Variants in PTPRG observed in about 807,000 individuals in gnomAD.
PTPRG encodes the protein protein tyrosine phosphatase receptor type G, also known as receptor-type tyrosine-protein phosphatase gamma.
In PTPRG, 102 loss-of-function variants were observed where a neutral mutation model predicts 165.3. That is an observed-to-expected ratio of 0.62 (90% CI 0.53 to 0.73). The LOEUF is 0.73. Among genes scored for constraint, PTPRG ranks in the 30% least tolerant of loss-of-function variants. The pLI, the probability that PTPRG is intolerant of heterozygous loss-of-function variation, is 0.00. For missense variants in PTPRG, 1,866 were observed against 1,861.4 expected, an observed-to-expected ratio of 1.00 and a Z score of -0.05; for synonymous variants, 675 against 669.5, an observed-to-expected ratio of 1.01 and a Z score of -0.13.
At chr3:61,606,790 T>C (rs1482518113) in intron 1 of PTPRG, among the ~76,000 whole-genome samples, 4 of 152,148 alleles carry the variant, frequency 2.6e-5, no homozygotes, top group Non-Finnish European at 5.9e-5. Flanking sequence ...GGCCTTAATT[T>C]TATTCACCAG....
At chr3:62,093,248 C>T (rs760989202) in intron 5 of PTPRG, among the ~76,000 whole-genome samples, 13 of 152,118 alleles carry the variant, frequency 8.5e-5, no homozygotes, top group Admixed American at 2.6e-4. Context: ...GCTGCTTAGG[C>T]GGTTGATGAT....
chr3:62,101,809 T>C (rs1378560337), intron 5 of PTPRG, among the ~76,000 whole-genome samples: 1 of 152,226 alleles, frequency 6.6e-6, no homozygotes, highest in East Asian at 1.9e-4. Flanking sequence ...ATTTAAAAAC[T>C]CTTGATACTT....
chr3:62,262,781 G>C lies in PTPRG; in HGVS notation c.2560-17G>C, dbSNP rs1701739066. ...GTTTCTAAACTGTGTCTATAATCTTGCTGTTTTCTTCACTAGGAAGTCCAG... is the reference window on the plus strand; with the variant it reads ...GTTTCTAAACTGTGTCTATAATCTTCCTGTTTTCTTCACTAGGAAGTCCAG... On this transcript the variant is annotated splice_polypyrimidine_tract_variant and intron_variant, in intron 16 of 29. Coordinates refer to ENST00000474889, the MANE Select transcript of PTPRG (RefSeq NM_002841.4). 6.3e-7 allele frequency: 1 copy of C among 1,578,092 alleles called. No homozygotes were observed. Among genetic ancestry groups the C allele is most frequent in the African/African-American group, 1.4e-5 (1 of 73,826 alleles).
At chr3:61,620,065 T>C (rs2886527) in intron 1 of PTPRG, among the ~76,000 whole-genome samples, 4,424 of 152,224 alleles carry the variant, frequency 0.029, 213 homozygotes, top group African/African-American at 0.099. Context: ...TTCAGAAAAT[T>C]AAGAGACAAG....
At chr3:61,906,075 T>TA (rs1238287903) in intron 2 of PTPRG, among the ~76,000 whole-genome samples, 1 of 152,182 alleles carries the variant, frequency 6.6e-6, no homozygotes, top group Non-Finnish European at 1.5e-5. Flanking sequence ...GTGACATTAT[T>TA]AAAGTTGGAA....
chr3:61,986,658 T>C (rs954252536), intron 2 of PTPRG, among the ~76,000 whole-genome samples: 4 of 152,178 alleles, frequency 2.6e-5, no homozygotes, highest in African/African-American at 9.7e-5. Flanking sequence ...TACCCCGCCC[T>C]TACCTCTTCC....
intron 2 of PTPRG, among the ~76,000 whole-genome samples, chr3:61,756,914 G>T (rs554869522): frequency 6.6e-6 from 1 of 152,032 alleles, no homozygotes; most frequent in Non-Finnish European, 1.5e-5. Context: ...TTGGAGGAGA[G>T]CTTTTTGGCA....
At chr3:61,988,779 A>C (rs866826017) in intron 2 of PTPRG, among the ~76,000 whole-genome samples, 4 of 152,230 alleles carry the variant, frequency 2.6e-5, no homozygotes, top group African/African-American at 9.6e-5. Flanking sequence ...TAGGATGCAG[A>C]AAAGTCTAAG....
At chr3:61,834,222 T>C (rs2036394434) in intron 2 of PTPRG, among the ~76,000 whole-genome samples, 1 of 152,202 alleles carries the variant, frequency 6.6e-6, no homozygotes, top group South Asian at 2.1e-4. Flanking sequence ...TGGTTGCAAC[T>C]GTTAGATGGA....
intron 1 of PTPRG, among the ~76,000 whole-genome samples, chr3:61,738,957 G>A (rs2032872031): frequency 7.7e-6 from 1 of 130,164 alleles, no homozygotes; most frequent in Admixed American, 7.9e-5. Flanking sequence ...TAGAGATGGG[G>A]TCTTGCTCTG....
intron 4 of PTPRG, among the ~76,000 whole-genome samples, chr3:62,039,502 A>T (rs1700059528): frequency 6.6e-6 from 1 of 152,106 alleles, no homozygotes; most frequent in African/African-American, 2.4e-5. Flanking sequence ...AAATATTGTG[A>T]TGGGTGTTTA....
rs1001296352 is a variant in PTPRG at position 62,210,144 on chromosome 3, G to C, written c.2155+6194G>C. 1.3e-5 allele frequency among the ~76,000 whole-genome samples: 2 copies of C among 152,160 alleles called. No individual in the cohort carries two copies. Among genetic ancestry groups the C allele is most frequent in the Non-Finnish European group, 2.9e-5 (2 of 68,042 alleles). Reference sequence around the variant, plus strand: ...TGGTGAATTAAGCTCTGCATGAAATGGTAAGGGAGCACTTATTCACAGGAA... The same window carrying C: ...TGGTGAATTAAGCTCTGCATGAAATCGTAAGGGAGCACTTATTCACAGGAA... On this transcript the variant is annotated intron_variant, in intron 12 of 29. Transcript: ENST00000474889. The surrounding 1 kb of genome is among the most constrained non-coding windows in gnomAD (Gnocchi z 4.1).
intron 5 of PTPRG, chr3:62,124,544 A>T: frequency 6.9e-7 from 1 of 1,458,610 alleles, no homozygotes; most frequent in South Asian, 1.1e-5. Flanking sequence ...GCTCTGGGAG[A>T]TGCCCAGGCG....
intron 1 of PTPRG, among the ~76,000 whole-genome samples, chr3:61,658,945 G>A (rs527789275): frequency 8.5e-5 from 13 of 152,326 alleles, no homozygotes; most frequent in African/African-American, 3.1e-4. Flanking sequence ...GACCAGGAAT[G>A]TAGCACTGGT....
intron 2 of PTPRG, among the ~76,000 whole-genome samples, chr3:61,972,638 TTTTTCTTTTTTTTTC>T (rs966160876): frequency 2.7e-5 from 4 of 147,682 alleles, no homozygotes; most frequent in African/African-American, 7.7e-5. Context: ...CTCTTCGTTC[TTTTTCTTTTTTTTTC>T]TTTTCTTTTT....
chr3:61,620,921 G>T (rs561532427), intron 1 of PTPRG, among the ~76,000 whole-genome samples: 1 of 151,658 alleles, frequency 6.6e-6, no homozygotes, highest in African/African-American at 2.4e-5. Flanking sequence ...GAGCCACCGC[G>T]CCCGGCCTTA....
rs539434431 is a variant in PTPRG at position 62,063,858 on chromosome 3, T to A, written c.520-14305T>A. Among the ~76,000 whole-genome samples, 10 of 152,252 alleles carry A rather than the reference T, an allele frequency of 6.6e-5. No individual in the cohort carries two copies. The South Asian group carries it at 1.9e-3, about 28-fold the overall frequency. On this transcript the variant is annotated intron_variant, in intron 4 of 29. Coordinates refer to ENST00000474889, the MANE Select transcript of PTPRG (RefSeq NM_002841.4). ...TGGAGTGTTAGTGAGCTTGAGTAGT[T>A]GTGCGTTTCATTGTGGTAAAAGATA...
chr3:61,861,767 A>C (rs1346259385), intron 2 of PTPRG, among the ~76,000 whole-genome samples: 1 of 152,186 alleles, frequency 6.6e-6, no homozygotes, highest in Non-Finnish European at 1.5e-5. Flanking sequence ...GGCATTCCTC[A>C]GCAGTCACTG....
intron 2 of PTPRG, among the ~76,000 whole-genome samples, chr3:61,927,705 A>C (rs2039256988): frequency 6.6e-6 from 1 of 152,218 alleles, no homozygotes; most frequent in Non-Finnish European, 1.5e-5. Flanking sequence ...TTTGTCTGCA[A>C]GGGTTAAAAG....
Sources: allele counts gnomAD v4.1 joint callset (sites outside exome capture counted in the v4.1 genomes callset), GRCh38; gene constraint gnomAD v4.1.1; non-coding constraint Gnocchi (gnomAD v3.1); transcripts MANE v1.5; gene names NCBI Gene and HGNC (gene_info 2026-07-23, HGNC 2026-07-21).